The following NELL1 variants were observed in gnomAD, a reference collection of about 807,000 sequenced individuals.
NELL1 encodes neural EGFL like 1.
A neutral mutation model predicts 107.4 loss-of-function variants in NELL1; 76 were observed. The ratio of observed to expected loss-of-function variants is 0.71; its 90% CI spans 0.59 to 0.86. The LOEUF (loss-of-function observed/expected upper bound fraction) is 0.86, where lower values mean the gene tolerates loss of function less well. Ranked by LOEUF, NELL1 falls within the 40% of genes least tolerant of loss-of-function variation. NELL1 has a pLI of 0.00. For synonymous variants in NELL1, 353 were observed against 341.2 expected, an observed-to-expected ratio of 1.03 and a Z score of -0.38; for missense variants, 1,024 against 1,005.5, an observed-to-expected ratio of 1.02 and a Z score of -0.25.
chr11:21,492,222 A>G (rs1854840750), intron 15 of NELL1, among the ~76,000 whole-genome samples: 1 of 151,966 alleles, frequency 6.6e-6, no homozygotes, highest in South Asian at 2.1e-4. Context: ...TTAGAATGGC[A>G]ATCATTAAAA....
At chr11:21,370,525 T>C (rs77597974) in intron 14 of NELL1, among the ~76,000 whole-genome samples, 1,540 of 152,180 alleles carry the variant, frequency 0.01, 37 homozygotes, top group African/African-American at 0.036. Flanking sequence ...ATCCTGACCC[T>C]ACCCTTCCTA....
At chr11:21,154,894 T>C (rs1856197396) in intron 13 of NELL1, among the ~76,000 whole-genome samples, 1 of 152,300 alleles carries the variant, frequency 6.6e-6, no homozygotes, top group Admixed American at 6.5e-5. Context: ...CGAGTTAACA[T>C]AGGCCATGGC....
chr11:20,855,178 T>TA, intron 4 of NELL1, among the ~76,000 whole-genome samples: 1 of 138,520 alleles, frequency 7.2e-6, no homozygotes, highest in East Asian at 2.0e-4. Context: ...CAACTTTTTC[T>TA]TTTTTTTTTT....
At chr11:21,178,261 A>G (rs1590707945) in intron 13 of NELL1, among the ~76,000 whole-genome samples, 1 of 151,756 alleles carries the variant, frequency 6.6e-6, no homozygotes, top group East Asian at 1.9e-4. Context: ...TGAGGCTGCT[A>G]ATCACTAAAT....
chr11:21,187,696 G>A (rs1231442876), intron 13 of NELL1, among the ~76,000 whole-genome samples: 2 of 151,744 alleles, frequency 1.3e-5, no homozygotes, highest in African/African-American at 4.9e-5. Context: ...GACATCCTGT[G>A]TCTGCCCTTA....
chr11:21,291,502 A>T (rs896504039), intron 14 of NELL1, among the ~76,000 whole-genome samples: 2 of 152,198 alleles, frequency 1.3e-5, no homozygotes, highest in Admixed American at 6.5e-5. Flanking sequence ...GACAAAGAGG[A>T]GTTAGTACCA....
At chr11:21,360,958 A>G (rs1035794527) in intron 14 of NELL1, among the ~76,000 whole-genome samples, 2 of 152,162 alleles carry the variant, frequency 1.3e-5, no homozygotes, top group African/African-American at 4.8e-5. Context: ...ATTTACATTC[A>G]ACGCTAATAT....
At chr11:20,783,025 G>T (rs1313802392) in intron 2 of NELL1, among the ~76,000 whole-genome samples, 2 of 152,196 alleles carry the variant, frequency 1.3e-5, no homozygotes, top group African/African-American at 4.8e-5. Context: ...GTCATCCATT[G>T]CATGCTTATG....
chr11:20,976,641 T>C (rs535407302), intron 12 of NELL1, among the ~76,000 whole-genome samples: 1 of 152,344 alleles, frequency 6.6e-6, no homozygotes, highest in South Asian at 2.1e-4. Context: ...GTGTTTAACA[T>C]AGCATCTGTT....
At chr11:21,258,911 T>C (rs1468241127) in intron 14 of NELL1, among the ~76,000 whole-genome samples, 4 of 151,958 alleles carry the variant, frequency 2.6e-5, no homozygotes, top group Non-Finnish European at 4.4e-5. Context: ...TGGAATTGTT[T>C]AGAGAAGCAA....
chr11:20,697,395 CT>C (rs200467344), intron 2 of NELL1, among the ~76,000 whole-genome samples: 152 of 107,450 alleles, frequency 1.4e-3, no homozygotes, highest in East Asian at 7.2e-3. Context: ...TAATATGTTG[CT>C]TTTTTTTTTT....
intron 14 of NELL1, among the ~76,000 whole-genome samples, chr11:21,345,649 T>C (rs1034604898): frequency 7.2e-5 from 11 of 152,328 alleles, no homozygotes; most frequent in African/African-American, 2.4e-4. Flanking sequence ...TACTATAACA[T>C]GCAATATTAA....
chr11:21,533,884 C>T (rs562281664), intron 15 of NELL1, among the ~76,000 whole-genome samples: 17 of 152,092 alleles, frequency 1.1e-4, no homozygotes, highest in Non-Finnish European at 2.5e-4. Flanking sequence ...TATCTCAAAG[C>T]TTTGCAGGAC....
chr11:21,074,363 G>T (rs1393210859), intron 12 of NELL1, among the ~76,000 whole-genome samples: 1 of 152,050 alleles, frequency 6.6e-6, no homozygotes, highest in Non-Finnish European at 1.5e-5. Flanking sequence ...TCATCTAGGT[G>T]GTATTTGTTA....
intron 2 of NELL1, among the ~76,000 whole-genome samples, chr11:20,742,015 G>A (rs548273813): frequency 1.3e-5 from 2 of 152,324 alleles, no homozygotes; most frequent in Non-Finnish European, 1.5e-5. Context: ...CAGGTCTATG[G>A]ACCATACTTT....
intron 15 of NELL1, among the ~76,000 whole-genome samples, chr11:21,500,132 TA>T (rs893821150): frequency 3.3e-5 from 5 of 152,154 alleles, no homozygotes; most frequent in African/African-American, 4.8e-5. Context: ...ATCAATTTTT[TA>T]AAAAACTACC....
At chr11:21,169,281 A>G (rs532126170) in intron 13 of NELL1, among the ~76,000 whole-genome samples, 5 of 151,958 alleles carry the variant, frequency 3.3e-5, no homozygotes, top group African/African-American at 1.2e-4. Context: ...GTTTTATTCT[A>G]AAGACCTAAG....
intron 13 of NELL1, among the ~76,000 whole-genome samples, chr11:21,224,910 A>G (rs1317736749): frequency 6.6e-6 from 1 of 151,980 alleles, no homozygotes; most frequent in Non-Finnish European, 1.5e-5. Context: ...TTCTTGCTGA[A>G]TCTCCTTAAG....
intron 11 of NELL1, among the ~76,000 whole-genome samples, chr11:20,953,554 G>C (rs961272889): frequency 3.9e-5 from 6 of 152,164 alleles, no homozygotes; most frequent in Admixed American, 2.6e-4. Flanking sequence ...TTTAATGAAA[G>C]TAAATCATTT....
Sources: gnomAD v4.1 joint callset for allele counts (sites outside exome capture counted in the v4.1 genomes callset) on GRCh38, gnomAD v4.1.1 for gene constraint, MANE v1.5 for transcripts, NCBI Gene and HGNC (gene_info 2026-07-23, HGNC 2026-07-21) for gene names.